Variants in GON4L observed in about 807,000 individuals in gnomAD.
GON4L encodes the protein GON-4-like protein.
In GON4L, 87 loss-of-function variants were observed where a neutral mutation model predicts 211.8. The observed-to-expected ratio is 0.41, with a 90% CI of 0.35 to 0.49. GON4L has a LOEUF of 0.49. Among genes scored for constraint, GON4L ranks in the 20% least tolerant of loss-of-function variants. GON4L has a pLI of 0.15. For synonymous variants in GON4L, 875 were observed against 962.6 expected (o/e 0.91, Z 1.68); for missense variants, 2,155 against 2,659.5 (o/e 0.81, Z 4.17).
rs1664716262 is a variant in GON4L at position 155,784,325 on chromosome 1, CGTGG to C, written c.1789-240_1789-237del. ...TCAACTTGTAACAGTAAGGACAGAGCGTGGATAACTCAAAATTATCAATCTCTCT... is the reference window on the plus strand; with the variant it reads ...TCAACTTGTAACAGTAAGGACAGAGCATAACTCAAAATTATCAATCTCTCT... On this transcript the variant is annotated intron_variant, in intron 13 of 31. Coordinates refer to ENST00000368331, the MANE Select transcript of GON4L (RefSeq NM_001282860.2). 4 of 355,934 alleles carry C rather than the reference CGTGG, an allele frequency of 1.1e-5. No individual in the cohort carries two copies. The Admixed American group carries it at 1.8e-4, about 16-fold the overall frequency. The allele number at this position is 355,934 out of a possible 1,614,324, so 22.0% of individuals were successfully genotyped here. A position where few individuals can be genotyped will look rare whatever the true frequency, so the allele number is the denominator to read the frequency against.
At chr1:155,832,028 A>G (rs570637552) in intron 2 of GON4L, among the ~76,000 whole-genome samples, 51 of 152,130 alleles carry the variant, frequency 3.4e-4, no homozygotes, top group Non-Finnish European at 6.8e-4. Flanking sequence ...TAATCCCAAC[A>G]CTTTGGAAGG....
chr1:155,840,326 A>G (rs1313165557), intron 2 of GON4L, among the ~76,000 whole-genome samples: 2 of 152,216 alleles, frequency 1.3e-5, no homozygotes, highest in East Asian at 3.8e-4. Context: ...CTGCAGAGAG[A>G]TTACCACTTT....
At chr1:155,767,262 C>G (rs1662611960) in intron 20 of GON4L, 163 bp downstream of exon 20, 1 of 1,507,594 alleles carries the variant, frequency 6.6e-7, no homozygotes, top group Non-Finnish European at 9.0e-7. Context: ...GTAGAATCAC[C>G]CAGAGAAGGG....
chr1:155,845,528 A>G, intron 2 of GON4L: 2 of 328,578 alleles, frequency 6.1e-6, no homozygotes, highest in Admixed American at 7.1e-5. Context: ...TGATGTATCC[A>G]GCAGTTTTAC....
At chr1:155,764,724 C>T in intron 21 of GON4L, 1 of 991,466 alleles carries the variant, frequency 1.0e-6, no homozygotes, top group Non-Finnish European at 1.5e-6. Context: ...CAGGAGTGAG[C>T]CACCAAGCCC....
chr1:155,857,186 T>A lies in GON4L; in HGVS notation c.-66A>T, dbSNP rs1322347493. 6.6e-6 allele frequency: 1 copy of A among 152,544 alleles called. No homozygotes were observed. The highest frequency in any genetic ancestry group is 1.5e-5 in the Non-Finnish European group (1 of 68,142). 9.4% of individuals were successfully genotyped at this position (152,544 alleles called of 1,614,324 possible). Reference sequence around the variant, plus strand: ...GCCGGCCTGATTCCACGGAAACGGCTTTGGCACCACCGGAAGTCAGCCAAC... The same window carrying A: ...GCCGGCCTGATTCCACGGAAACGGCATTGGCACCACCGGAAGTCAGCCAAC... On this transcript the variant is annotated 5_prime_UTR_variant, in exon 1 of 32. It adds an upstream start codon to the 5' untranslated region. Transcript: ENST00000368331.
intron 1 of GON4L, among the ~76,000 whole-genome samples, chr1:155,855,356 T>A (rs987073884): frequency 1.3e-5 from 2 of 152,018 alleles, no homozygotes; most frequent in African/African-American, 2.4e-5. Flanking sequence ...TATCCAGCAG[T>A]ATCTGGGTTT....
At chr1:155,856,600 A>T (rs779293626) in intron 1 of GON4L, among the ~76,000 whole-genome samples, 1 of 152,088 alleles carries the variant, frequency 6.6e-6, no homozygotes, top group Non-Finnish European at 1.5e-5. Flanking sequence ...CCATCCCCTC[A>T]ATCAACTGAT....
intron 17 of GON4L, among the ~76,000 whole-genome samples, chr1:155,773,644 A>G (rs1301833174): frequency 6.6e-6 from 1 of 152,178 alleles, no homozygotes; most frequent in Non-Finnish European, 1.5e-5. Context: ...TCCAAATTTT[A>G]CTTTTATTTG....
chr1:155,761,935 G>C (rs1661850863), intron 23 of GON4L, among the ~76,000 whole-genome samples: 1 of 152,170 alleles, frequency 6.6e-6, no homozygotes, highest in Admixed American at 6.5e-5. Context: ...ACTGATGATG[G>C]TGGTATCATC....
chr1:155,834,568 G>C (rs1435454390), intron 2 of GON4L, among the ~76,000 whole-genome samples: 2 of 152,020 alleles, frequency 1.3e-5, no homozygotes, highest in African/African-American at 4.8e-5. Flanking sequence ...AGCACTGTTC[G>C]AAAGACCCCG....
chr1:155,817,271 G>A (rs1233715772), intron 6 of GON4L, among the ~76,000 whole-genome samples: 7 of 152,098 alleles, frequency 4.6e-5, no homozygotes, highest in Admixed American at 3.9e-4. Flanking sequence ...TGGGATTATA[G>A]GTGTGAGCCA....
chr1:155,764,936 A>C, intron 21 of GON4L, 64 bp downstream of exon 21: 15 of 1,612,910 alleles, frequency 9.3e-6, no homozygotes, highest in African/African-American at 1.3e-5. Context: ...AGCAGGTGGC[A>C]TATCAATAAG....
intron 2 of GON4L, chr1:155,832,823 AAC>A (rs1262519224): frequency 6.6e-6 from 1 of 152,156 alleles, no homozygotes; most frequent in Non-Finnish European, 1.5e-5. Context: ...AAACAACAAA[AAC>A]ACATACTAAA....
intron 1 of GON4L, among the ~76,000 whole-genome samples, chr1:155,854,463 TA>T (rs1672096232): frequency 6.6e-6 from 1 of 152,170 alleles, no homozygotes; most frequent in African/African-American, 2.4e-5. Context: ...CAAACATTGT[TA>T]TTATTACCAT....
chr1:155,765,388 C>T lies in GON4L; in HGVS notation c.4085G>A (p.Ser1362Asn), dbSNP rs200374858. The change falls in exon 21 of 32, where the codon AGC (serine) becomes AAC (asparagine). Residue 1362 changes from serine to asparagine, a missense_variant. By Grantham distance (46) the Ser-to-Asn change is conservative. Transcript: ENST00000368331. ...HAVELDTGAP[S>N]EELSSAGEVT... Reference sequence around the variant, plus strand: ...TTCTCCAGCACTGCTCAACTCCTCGCTTGGGGCACCAGTGTCCAATTCCAC... The same window carrying T: ...TTCTCCAGCACTGCTCAACTCCTCGTTTGGGGCACCAGTGTCCAATTCCAC... The T allele has an allele frequency of 1.2e-6, 2 of 1,614,066 alleles. No individual in the cohort carries two copies. Among genetic ancestry groups the T allele is most frequent in the Non-Finnish European group, 8.5e-7 (1 of 1,180,028 alleles).
chr1:155,752,449 T>C lies in GON4L; in HGVS notation c.5984A>G (p.Lys1995Arg). The C allele has an allele frequency of 1.9e-6, 3 of 1,571,252 alleles. No individual in the cohort carries two copies. The highest frequency in any genetic ancestry group is 2.6e-6 in the Non-Finnish European group (3 of 1,158,274). ...AACCTCAGGCCCAACCTGGTTTCTC[T>C]TAACAGTGTACAGTACAGCTCCAGT... ...PTTGAVLYTV[K>R]RNQVGPEVRS... Residue 1995 changes from lysine to arginine, a missense_variant, in exon 30 of 32, where the codon AAG becomes AGG. Around this residue, in one of 6 missense-constraint regions of GON4L, gnomAD observed 186 missense variants for 308.1 expected, o/e 0.60. Transcript: ENST00000368331.
intron 21 of GON4L, among the ~76,000 whole-genome samples, chr1:155,763,842 A>C (rs1348241021): frequency 6.6e-6 from 1 of 152,082 alleles, no homozygotes; most frequent in East Asian, 1.9e-4. Context: ...GTCTCTACTA[A>C]AAATACAGAA....
chr1:155,753,241 A>G lies in GON4L; in HGVS notation c.5805T>C (p.Thr1935=). 2 of 1,603,120 alleles carry G rather than the reference A, an allele frequency of 1.2e-6. No individual in the cohort carries two copies. Among genetic ancestry groups the G allele is most frequent in the Non-Finnish European group, 1.7e-6 (2 of 1,175,116 alleles). Residue 1935 remains threonine, a synonymous_variant, in exon 29 of 32, where the codon ACT becomes ACC. Transcript: ENST00000368331. The stretch of plus-strand genomic sequence containing the variant: ...TCTCTCCCTTTCTGGTGGTCCTGAC[A>G]GTCCTGCTCTGGGTGGCCTCAGTGC... The part of the protein sequence containing the change: ...RESTEATQSR[T]VRTTRKGEMP...
Sources: gnomAD v4.1 joint callset for allele counts (sites outside exome capture counted in the v4.1 genomes callset) on GRCh38, gnomAD v4.1.1 for gene constraint, gnomAD v4.1.1 regional missense constraint, MANE v1.5 for transcripts, NCBI Gene and HGNC (gene_info 2026-07-23, HGNC 2026-07-21) for gene names.